The following USP54 variants were observed in gnomAD, a reference collection of about 807,000 sequenced individuals.
USP54 encodes the protein ubiquitin carboxyl-terminal hydrolase 54.
A neutral mutation model predicts 170.5 loss-of-function variants in USP54; 87 were observed. That is an observed-to-expected ratio of 0.51 (90% CI 0.43 to 0.61). The LOEUF (loss-of-function observed/expected upper bound fraction) is 0.61, where lower values mean the gene tolerates loss of function less well. USP54 is among the 20% of genes least tolerant of loss of function. USP54 has a pLI of 0.00. For synonymous variants in USP54, 655 were observed against 742.8 expected (o/e 0.88, Z 1.92); for missense variants, 1,786 against 2,047.8 (o/e 0.87, Z 2.47).
intron 3 of USP54, among the ~76,000 whole-genome samples, chr10:73,573,436 A>ATT (rs919192549): frequency 6.6e-6 from 1 of 151,882 alleles, no homozygotes; most frequent in African/African-American, 2.4e-5. Flanking sequence ...CCAGCACATA[A>ATT]TTTTTTTTTA....
chr10:73,526,356 T>C (rs1342829118), intron 16 of USP54, among the ~76,000 whole-genome samples: 1 of 152,118 alleles, frequency 6.6e-6, no homozygotes, highest in East Asian at 1.9e-4. Flanking sequence ...CAAGCAATTC[T>C]CCTGCCTCAG....
At chr10:73,518,030 C>A (rs563872211) in intron 19 of USP54, among the ~76,000 whole-genome samples, 8 of 152,202 alleles carry the variant, frequency 5.3e-5, no homozygotes, top group Non-Finnish European at 1.2e-4. Flanking sequence ...ATATTCTTCA[C>A]TACCTGTGAA....
chr10:73,498,795 C>T lies in USP54; in HGVS notation c.4889G>A (p.Gly1630Asp), dbSNP rs766374897. 3.1e-6 allele frequency: 5 copies of T among 1,613,268 alleles called. No individual in the cohort carries two copies. Among genetic ancestry groups the T allele is most frequent in the Non-Finnish European group, 4.2e-6 (5 of 1,179,584 alleles). The part of the protein sequence containing the change: ...SDPVPGSRTP[G>D]PRRVDMPPDD... ...TGGGGGCATATCTACTCTTCGAGGA[C>T]CAGGGGTTCGGGACCCTGGAACAGG... Residue 1630 changes from glycine (G) to aspartate (D), a missense_variant, in exon 24 of 24, where the codon GGT becomes GAT. Transcript: ENST00000687698.
chr10:73,590,272 G>A (rs1446011435), intron 1 of USP54, among the ~76,000 whole-genome samples: 1 of 152,188 alleles, frequency 6.6e-6, no homozygotes, highest in Non-Finnish European at 1.5e-5. Context: ...CAAGGACCCA[G>A]CACTTACCTC....
At chr10:73,596,430 G>C (rs1421436893) in intron 1 of USP54, among the ~76,000 whole-genome samples, 3 of 151,886 alleles carry the variant, frequency 2.0e-5, no homozygotes, top group Non-Finnish European at 4.4e-5. Flanking sequence ...GTAGTGGCGG[G>C]CGCCTGTAGT....
intron 1 of USP54, among the ~76,000 whole-genome samples, chr10:73,583,351 T>C (rs2077106330): frequency 6.6e-6 from 1 of 152,184 alleles, no homozygotes; most frequent in African/African-American, 2.4e-5. Context: ...AATGGCGCGA[T>C]CTTGGCTTAC....
At chr10:73,544,870 T>C (rs1478578081) in intron 5 of USP54, among the ~76,000 whole-genome samples, 1 of 152,034 alleles carries the variant, frequency 6.6e-6, no homozygotes, top group African/African-American at 2.4e-5. Context: ...CCCGCCACCA[T>C]GCCTGGCTAA....
intron 4 of USP54, among the ~76,000 whole-genome samples, chr10:73,555,663 G>A (rs2070779907): frequency 6.6e-6 from 1 of 152,150 alleles, no homozygotes; most frequent in Admixed American, 6.6e-5. Flanking sequence ...TTTTTGCCAA[G>A]ATCAAAACTG....
intron 4 of USP54, among the ~76,000 whole-genome samples, chr10:73,545,921 A>G (rs530962243): frequency 6.6e-6 from 1 of 152,322 alleles, no homozygotes; most frequent in Non-Finnish European, 1.5e-5. Context: ...AGGAGAAACC[A>G]CTGTCATGAA....
intron 1 of USP54, among the ~76,000 whole-genome samples, chr10:73,586,768 C>T (rs959590927): frequency 2.0e-5 from 3 of 152,160 alleles, no homozygotes; most frequent in Non-Finnish European, 2.9e-5. Flanking sequence ...CATCTACAAC[C>T]ATAAAAAGGG....
chr10:73,530,594 A>G, intron 13 of USP54, 71 bp from the exon 14 acceptor site: 1 of 1,563,010 alleles, frequency 6.4e-7, no homozygotes, highest in Non-Finnish European at 8.6e-7. Flanking sequence ...CAATGTCGAA[A>G]AAGCAAAGAA....
chr10:73,620,500 C>T (rs74537262), intron 1 of USP54, among the ~76,000 whole-genome samples: 13,799 of 87,070 alleles, frequency 0.16, 1,911 homozygotes, highest in African/African-American at 0.34. Context: ...TTTTTTTTTT[C>T]TCAGTAGAAA....
chr10:73,614,516 C>T (rs1337936614), intron 1 of USP54, among the ~76,000 whole-genome samples: 1 of 143,258 alleles, frequency 7.0e-6, no homozygotes, highest in Non-Finnish European at 1.5e-5. Flanking sequence ...GCCGAGATCA[C>T]GCCACGGCAC....
chr10:73,596,387 C>T (rs1186274456), intron 1 of USP54, among the ~76,000 whole-genome samples: 2 of 152,038 alleles, frequency 1.3e-5, no homozygotes, highest in African/African-American at 4.8e-5. Context: ...GAAACCCTGT[C>T]TCTACTAAAA....
Position 73,520,938 on chromosome 10 carries a change from C to T in USP54, c.2452G>A (p.Ala818Thr), listed in dbSNP as rs771358666. Residue 818 changes from alanine (A) to threonine (T), a missense_variant, in exon 18 of 24, where the codon GCA becomes ACA. Ala to Thr is a moderately conservative substitution (Grantham distance 58). This residue lies in a region of USP54 where 1,418 missense variants were observed against 1,569.0 expected (regional missense o/e 0.90). Coordinates refer to ENST00000687698, the MANE Select transcript of USP54 (RefSeq NM_001391956.1). ...GCTTCATTACAGAGAGCCAAAGCTG[C>T]AGCACAGTCTCCTTTCTGTTCCAGA... is the stretch of plus-strand genomic sequence containing the variant. ...LHLEQKGDCA[A>T]ALALCNEAIS... The T allele has an allele frequency of 2.5e-5, 40 of 1,614,208 alleles. 1 individual carries two copies. In the South Asian group the frequency reaches 4.2e-4, roughly 17 times the overall value.
At chr10:73,534,472 G>T (rs564668657) in intron 12 of USP54, 128 bp downstream of exon 12, 59 of 1,101,612 alleles carry the variant, frequency 5.4e-5, no homozygotes, top group African/African-American at 1.3e-4. Flanking sequence ...TTGGCCGCCC[G>T]CCTCGGCCTC....
intron 16 of USP54, among the ~76,000 whole-genome samples, chr10:73,525,128 C>T (rs2062626958): frequency 6.6e-6 from 1 of 152,032 alleles, no homozygotes; most frequent in South Asian, 2.1e-4. Flanking sequence ...ATGGTGCTTA[C>T]CTATATATAT....
chr10:73,552,488 T>C (rs111375934), intron 4 of USP54, among the ~76,000 whole-genome samples: 170 of 146,000 alleles, frequency 1.2e-3, no homozygotes, highest in African/African-American at 4.1e-3. Flanking sequence ...CACACACACA[T>C]ATATATATAA....
At chr10:73,592,586 T>G (rs1269388623), upstream of USP54, among the ~76,000 whole-genome samples, 2 of 152,094 alleles carry the variant, frequency 1.3e-5, no homozygotes, top group Non-Finnish European at 1.5e-5. Context: ...CATTTCAAAG[T>G]GTGAAACACA....
Sources: gnomAD v4.1 joint callset for allele counts (sites outside exome capture counted in the v4.1 genomes callset) on GRCh38, gnomAD v4.1.1 for gene constraint, gnomAD v4.1.1 regional missense constraint, MANE v1.5 for transcripts, NCBI Gene and HGNC (gene_info 2026-07-23, HGNC 2026-07-21) for gene names.